Variants in LMO1 observed in about 807,000 individuals in gnomAD.
The protein encoded by LMO1 is rhombotin-1.
In LMO1, 10 loss-of-function variants were observed where a neutral mutation model predicts 18.0. The ratio of observed to expected loss-of-function variants is 0.55; its 90% CI spans 0.34 to 0.94. LMO1 has a LOEUF of 0.94. Ranked by LOEUF, LMO1 falls within the 40% of genes least tolerant of loss-of-function variation. LMO1 has a pLI of 0.02. For synonymous variants in LMO1, 77 were observed against 77.9 expected, an observed-to-expected ratio of 0.99 and a Z score of 0.06; for missense variants, 183 against 205.7, an observed-to-expected ratio of 0.89 and a Z score of 0.68.
intron 1 of LMO1, among the ~76,000 whole-genome samples, chr11:8,233,295 C>G (rs964337696): frequency 1.3e-5 from 2 of 152,186 alleles, no homozygotes; most frequent in Non-Finnish European, 2.9e-5. Flanking sequence ...GGCTGGCATC[C>G]TGGGGGAAGC....
Position 8,255,535 on chromosome 11 carries a change from C to T in LMO1, c.25+7803G>A, listed in dbSNP as rs142745196. On this transcript the variant is annotated intron_variant, in intron 1 of 3. Coordinates refer to ENST00000335790, the MANE Select transcript of LMO1 (RefSeq NM_002315.3). ...AAGGCTTTTGTGCTTCCACACCTTC[C>T]GGACCGGTCTCTGCCATAAGAACAA... Among the ~76,000 whole-genome samples, 24 of 152,216 alleles carry T rather than the reference C, an allele frequency of 1.6e-4. No individual in the cohort carries two copies. In the East Asian group the frequency reaches 3.3e-3, roughly 21 times the overall value.
At chr11:8,234,328 C>A (rs1409179403) in intron 1 of LMO1, among the ~76,000 whole-genome samples, 1 of 152,144 alleles carries the variant, frequency 6.6e-6, no homozygotes, top group Non-Finnish European at 1.5e-5. Flanking sequence ...GAGGTCATCC[C>A]GCCCCTCCCA....
At chr11:8,255,514 C>A (rs547558560) in intron 1 of LMO1, among the ~76,000 whole-genome samples, 1 of 152,252 alleles carries the variant, frequency 6.6e-6, no homozygotes, top group South Asian at 2.1e-4. Flanking sequence ...AAAGAGAAGG[C>A]TTTTGTGCTT....
In LMO1 at chr11:8,224,484, G is replaced by C. The variant is rs927235554; in HGVS notation, c.*132C>G. On this transcript the variant is annotated 3_prime_UTR_variant, in exon 4 of 4. Transcript: ENST00000335790. Reference sequence around the variant, plus strand: ...AGGAGGAAGGGCCATCCCTCCCATCGAGGACGGAGAAGTTCTAATGTGGCA... The same window carrying C: ...AGGAGGAAGGGCCATCCCTCCCATCCAGGACGGAGAAGTTCTAATGTGGCA... 1.6e-6 allele frequency: 1 copy of C among 633,302 alleles called. No individual in the cohort carries two copies. The highest frequency in any genetic ancestry group is 2.6e-5 in the Admixed American group (1 of 38,494). 39.2% of individuals were successfully genotyped at this position (633,302 alleles called of 1,614,324 possible). A position where few individuals can be genotyped will look rare whatever the true frequency, so the allele number is the denominator to read the frequency against.
chr11:8,240,345 C>T (rs898346328), intron 1 of LMO1, among the ~76,000 whole-genome samples: 7 of 152,180 alleles, frequency 4.6e-5, no homozygotes, highest in Non-Finnish European at 8.8e-5. Flanking sequence ...AAAGCCTGAA[C>T]TCACCATGAC....
intron 2 of LMO1, among the ~76,000 whole-genome samples, chr11:8,229,633 T>C (rs1952616443): frequency 6.6e-6 from 1 of 151,936 alleles, no homozygotes; most frequent in Non-Finnish European, 1.5e-5. Flanking sequence ...GGAGGGTGAG[T>C]TAGAGCTCAG....
upstream of LMO1, among the ~76,000 whole-genome samples, chr11:8,265,163 A>T (rs1395390309): frequency 2.0e-5 from 3 of 152,188 alleles, no homozygotes; most frequent in South Asian, 2.1e-4. Flanking sequence ...CCAACAGTGG[A>T]CCTTAGCAAG....
At chr11:8,226,263 G>T (rs1021831255) in intron 3 of LMO1, among the ~76,000 whole-genome samples, 1 of 152,170 alleles carries the variant, frequency 6.6e-6, no homozygotes, top group Non-Finnish European at 1.5e-5. Context: ...GGGAGGCTGA[G>T]GTGGGCAGAT....
At chr11:8,232,921 G>A (rs1445023325) in intron 1 of LMO1, among the ~76,000 whole-genome samples, 6 of 152,176 alleles carry the variant, frequency 3.9e-5, no homozygotes, top group African/African-American at 7.2e-5. Context: ...CAGCATGTTT[G>A]TCCTGGCTCC....
chr11:8,230,638 C>T (rs1952641773), intron 1 of LMO1, 134 bp from the exon 2 acceptor site: 6 of 860,586 alleles, frequency 7.0e-6, no homozygotes, highest in Admixed American at 4.6e-5. Context: ...CAGGAGCCCT[C>T]GCTTTCTCCC....
intron 1 of LMO1, among the ~76,000 whole-genome samples, chr11:8,257,474 A>C (rs1847116036): frequency 6.6e-6 from 1 of 152,206 alleles, no homozygotes; most frequent in African/African-American, 2.4e-5. Flanking sequence ...AAGGGGCATA[A>C]CTGGGACACC....
intron 1 of LMO1, among the ~76,000 whole-genome samples, chr11:8,259,174 C>T (rs1290023438): frequency 6.6e-6 from 1 of 152,196 alleles, no homozygotes; most frequent in Admixed American, 6.5e-5. Context: ...AATCTGGGTA[C>T]ATTAGCGAGA....
chr11:8,251,219 C>T (rs982384616), intron 1 of LMO1, among the ~76,000 whole-genome samples: 12 of 152,144 alleles, frequency 7.9e-5, no homozygotes, highest in Non-Finnish European at 1.8e-4. Flanking sequence ...GAAACCAAGA[C>T]CCAGAAAGGG....
intron 1 of LMO1, among the ~76,000 whole-genome samples, chr11:8,257,979 C>G (rs1311186498): frequency 6.6e-6 from 1 of 152,202 alleles, no homozygotes; most frequent in Non-Finnish European, 1.5e-5. Context: ...CTCACTTAAT[C>G]CTGAATACAA....
intron 3 of LMO1, 114 bp from the exon 4 acceptor site, chr11:8,224,835 G>C: frequency 1.4e-6 from 1 of 705,678 alleles, no homozygotes. Context: ...AGGTGGTGGG[G>C]GGAGTTTGTT....
intron 1 of LMO1, 137 bp downstream of exon 1, chr11:8,263,201 G>C: frequency 1.4e-6 from 1 of 732,154 alleles, no homozygotes. Flanking sequence ...CCCAGCCCCG[G>C]CCCCCAGCGC....
intron 1 of LMO1, among the ~76,000 whole-genome samples, chr11:8,251,661 G>A (rs1438959246): frequency 6.6e-6 from 1 of 152,142 alleles, no homozygotes; most frequent in African/African-American, 2.4e-5. Context: ...TGGTCCAGGG[G>A]TGTGTGTTTG....
At chr11:8,228,663 A>T (rs1952594821) in intron 2 of LMO1, among the ~76,000 whole-genome samples, 1 of 152,076 alleles carries the variant, frequency 6.6e-6, no homozygotes, top group Non-Finnish European at 1.5e-5. Context: ...AAAAAAAAAA[A>T]AAAAAATTAC....
chr11:8,226,906 C>T (rs1952553998), intron 3 of LMO1, 69 bp downstream of exon 3: 1 of 1,547,640 alleles, frequency 6.5e-7, no homozygotes, highest in Admixed American at 1.9e-5. Context: ...CGCCGTGCTC[C>T]TGGCCCATCC....
Sources: gnomAD v4.1 joint callset for allele counts (sites outside exome capture counted in the v4.1 genomes callset) on GRCh38, gnomAD v4.1.1 for gene constraint, MANE v1.5 for transcripts, NCBI Gene and HGNC (gene_info 2026-07-23, HGNC 2026-07-21) for gene names.